PARD3: variants seen among roughly 807,000 people sequenced by gnomAD.
The protein encoded by PARD3 is par-3 family cell polarity regulator.
In PARD3, 75 loss-of-function variants were observed where a neutral mutation model predicts 155.4. That is an observed-to-expected ratio of 0.48 (90% CI 0.40 to 0.58). The LOEUF is 0.58. Ranked by LOEUF, PARD3 falls within the 20% of genes least tolerant of loss-of-function variation. The pLI, the probability that PARD3 is intolerant of heterozygous loss-of-function variation, is 0.00. For missense variants in PARD3, 1,642 were observed against 1,721.7 expected, an observed-to-expected ratio of 0.95 and a Z score of 0.82; for synonymous variants, 576 against 610.5, an observed-to-expected ratio of 0.94 and a Z score of 0.83.
At chr10:34,432,338 AC>A (rs2075985346) in intron 5 of PARD3, among the ~76,000 whole-genome samples, 1 of 1,030 alleles carries the variant, frequency 9.7e-4, no homozygotes, top group Admixed American at 0.017. Flanking sequence ...ACGTGCACAT[AC>A]ACACACACAC....
At chr10:34,349,984 C>T (rs557572593) in intron 14 of PARD3, among the ~76,000 whole-genome samples, 14 of 152,254 alleles carry the variant, frequency 9.2e-5, no homozygotes, top group Non-Finnish European at 1.3e-4. Context: ...AAAAACCAAG[C>T]ACTTGAACAT....
intron 22 of PARD3, among the ~76,000 whole-genome samples, chr10:34,212,513 A>G (rs1345611043): frequency 6.6e-6 from 1 of 152,212 alleles, no homozygotes; most frequent in Admixed American, 6.5e-5. Flanking sequence ...GGGCACAGAT[A>G]TATTCAGAAA....
chr10:34,689,165 A>T (rs1244899976), intron 2 of PARD3, among the ~76,000 whole-genome samples: 1 of 152,230 alleles, frequency 6.6e-6, no homozygotes, highest in Non-Finnish European at 1.5e-5. Context: ...TCCTTAAACC[A>T]AAAAGCAAAA....
intron 5 of PARD3, among the ~76,000 whole-genome samples, chr10:34,429,770 A>G (rs1247860017): frequency 3.3e-5 from 5 of 152,192 alleles, no homozygotes; most frequent in African/African-American, 7.2e-5. Flanking sequence ...TATTTTTAGT[A>G]GAGACACGGT....
chr10:34,629,606 T>C (rs1404224643), intron 2 of PARD3, among the ~76,000 whole-genome samples: 3 of 152,370 alleles, frequency 2.0e-5, no homozygotes, highest in East Asian at 1.9e-4. Context: ...GCAAGTTTCA[T>C]ATGTATGTAC....
intron 21 of PARD3, among the ~76,000 whole-genome samples, chr10:34,274,318 G>A (rs1376721350): frequency 6.6e-6 from 1 of 152,176 alleles, no homozygotes. Context: ...AGTTAAGGAT[G>A]CTATTATAAA....
chr10:34,494,918 A>G (rs1265833834), intron 3 of PARD3, among the ~76,000 whole-genome samples: 4 of 152,166 alleles, frequency 2.6e-5, no homozygotes, highest in African/African-American at 9.7e-5. Context: ...TAAGGTCTGC[A>G]AAGCTGGAGC....
intron 3 of PARD3, among the ~76,000 whole-genome samples, chr10:34,494,881 T>G (rs1053326029): frequency 3.3e-5 from 5 of 152,120 alleles, no homozygotes; most frequent in African/African-American, 1.2e-4. Context: ...GGAGATGAAA[T>G]GTAGGATGCA....
chr10:34,599,280 G>A (rs2089565089), intron 2 of PARD3, among the ~76,000 whole-genome samples: 2 of 152,116 alleles, frequency 1.3e-5, no homozygotes, highest in African/African-American at 4.8e-5. Flanking sequence ...CCAGACACAT[G>A]AGGGTTAAAC....
chr10:34,670,040 G>C (rs548597434), intron 2 of PARD3, among the ~76,000 whole-genome samples: 34 of 152,350 alleles, frequency 2.2e-4, no homozygotes, highest in Non-Finnish European at 4.1e-4. Context: ...GCAGGGCTGA[G>C]AGATTCTTTA....
intron 1 of PARD3, among the ~76,000 whole-genome samples, chr10:34,697,833 C>A (rs982367670): frequency 1.3e-5 from 2 of 151,290 alleles, no homozygotes; most frequent in Non-Finnish European, 1.5e-5. Context: ...ATTCTGACTG[C>A]ACATGAATCC....
chr10:34,502,203 CTGAG>C lies in PARD3; in HGVS notation c.403+14772_403+14775del, dbSNP rs1177412904. ...AGACAGTGGGCTCATTTGGATGATC[CTGAG>C]TCTCACTCAATTCAAGACTATGTAG... On this transcript the variant is annotated intron_variant, in intron 3 of 24. Transcript: ENST00000374788. Among the ~76,000 whole-genome samples, 3 of 152,150 alleles carry C rather than the reference CTGAG, an allele frequency of 2.0e-5. No individual in the cohort carries two copies. In the East Asian group the frequency reaches 5.8e-4, roughly 29 times the overall value.
intron 5 of PARD3, among the ~76,000 whole-genome samples, chr10:34,424,876 G>C (rs1051972357): frequency 1.3e-5 from 2 of 152,008 alleles, no homozygotes; most frequent in Admixed American, 1.3e-4. Flanking sequence ...CTATCAGCAG[G>C]CAACTGGGCA....
At chr10:34,408,715 C>G (rs2132276131) in intron 5 of PARD3, among the ~76,000 whole-genome samples, 1 of 151,992 alleles carries the variant, frequency 6.6e-6, no homozygotes, top group Middle Eastern at 3.4e-3. Context: ...TAGCAACCTT[C>G]CAAAGAAATA....
intron 2 of PARD3, among the ~76,000 whole-genome samples, chr10:34,665,269 T>C (rs2093422232): frequency 6.6e-6 from 1 of 151,722 alleles, no homozygotes. Flanking sequence ...CCCAGCACTT[T>C]GGGAGGCCGA....
intron 1 of PARD3, among the ~76,000 whole-genome samples, chr10:34,726,712 G>A (rs985673836): frequency 3.3e-5 from 5 of 151,564 alleles, no homozygotes; most frequent in Non-Finnish European, 7.4e-5. Context: ...ACAGTGAACT[G>A]AGAATGCACC....
intron 2 of PARD3, chr10:34,664,225 C>A (rs1027672541): frequency 2.0e-5 from 3 of 152,200 alleles, no homozygotes; most frequent in African/African-American, 7.2e-5. Context: ...TCTTTTGAGA[C>A]AGAGTCTCGA....
At chr10:34,207,647 A>G (rs1283649306) in intron 22 of PARD3, among the ~76,000 whole-genome samples, 1 of 152,214 alleles carries the variant, frequency 6.6e-6, no homozygotes, top group Non-Finnish European at 1.5e-5. Flanking sequence ...TACCAAGATG[A>G]TATTTTCACC....
At chr10:34,199,174 C>T (rs556902613) in intron 22 of PARD3, among the ~76,000 whole-genome samples, 1 of 152,150 alleles carries the variant, frequency 6.6e-6, no homozygotes, top group Non-Finnish European at 1.5e-5. Flanking sequence ...CACCTCATCT[C>T]AAAATCCAAT....
Sources: gnomAD v4.1 joint callset for allele counts (sites outside exome capture counted in the v4.1 genomes callset) on GRCh38, gnomAD v4.1.1 for gene constraint, MANE v1.5 for transcripts, NCBI Gene and HGNC (gene_info 2026-07-23, HGNC 2026-07-21) for gene names.